Variants in ERC1 observed in about 807,000 individuals in gnomAD.
ERC1 encodes the protein ELKS/RAB6-interacting/CAST family member 1, also known as RAB6 interacting protein 2.
In ERC1, 56 loss-of-function variants were observed where a neutral mutation model predicts 132.0. That is an observed-to-expected ratio of 0.42 (90% CI 0.34 to 0.53). ERC1 has a LOEUF of 0.53. Ranked by LOEUF, ERC1 falls within the 20% of genes least tolerant of loss-of-function variation. The probability of loss-of-function intolerance (pLI) is 0.03; values close to 1 mark genes in which losing one functional copy is unlikely to be tolerated. For missense variants in ERC1, 1,202 were observed against 1,349.9 expected (o/e 0.89, Z 1.72); for synonymous variants, 478 against 476.1 (o/e 1.00, Z -0.05).
At chr12:1,357,023 C>T (rs2085606706) in intron 15 of ERC1, among the ~76,000 whole-genome samples, 2 of 152,194 alleles carry the variant, frequency 1.3e-5, no homozygotes, top group Non-Finnish European at 2.9e-5. Flanking sequence ...GTCTTCAGTA[C>T]TCTCTCAGCA....
chr12:1,485,352 C>T (rs1262342203), intron 18 of ERC1, among the ~76,000 whole-genome samples: 1 of 151,588 alleles, frequency 6.6e-6, no homozygotes, highest in Non-Finnish European at 1.5e-5. Context: ...TTATAGGCGC[C>T]CGCCACCACG....
intron 8 of ERC1, among the ~76,000 whole-genome samples, chr12:1,172,396 A>G (rs1953165594): frequency 6.6e-6 from 1 of 152,208 alleles, no homozygotes; most frequent in South Asian, 2.1e-4. Context: ...CGTGCTCAGG[A>G]GTTCAAGGAT....
intron 8 of ERC1, among the ~76,000 whole-genome samples, chr12:1,170,354 C>G (rs938183477): frequency 1.3e-5 from 2 of 151,972 alleles, no homozygotes; most frequent in African/African-American, 4.8e-5. Flanking sequence ...AAAAATTAAG[C>G]CTCTTGTGCC....
At chr12:1,056,466 G>A (rs774785209) in intron 2 of ERC1, among the ~76,000 whole-genome samples, 1 of 152,104 alleles carries the variant, frequency 6.6e-6, no homozygotes, top group Non-Finnish European at 1.5e-5. Flanking sequence ...CTGGTTCTGC[G>A]GTGGAATGCA....
At chr12:1,215,715 T>C (rs1008457066) in intron 12 of ERC1, among the ~76,000 whole-genome samples, 13 of 152,140 alleles carry the variant, frequency 8.5e-5, no homozygotes, top group African/African-American at 2.4e-4. Context: ...TATGCTCTTA[T>C]GCTCGGCAAA....
At chr12:1,210,202 A>G (rs181343706) in intron 12 of ERC1, among the ~76,000 whole-genome samples, 2 of 152,074 alleles carry the variant, frequency 1.3e-5, no homozygotes, top group African/African-American at 2.4e-5. Context: ...CTTCCTTCCA[A>G]CCTCTAGTTT....
At chr12:1,188,722 C>T (rs963868126) in intron 11 of ERC1, among the ~76,000 whole-genome samples, 1 of 152,128 alleles carries the variant, frequency 6.6e-6, no homozygotes, top group Admixed American at 6.5e-5. Context: ...ATTATATAAA[C>T]ATTTCTCATT....
intron 13 of ERC1, among the ~76,000 whole-genome samples, chr12:1,256,098 T>C (rs1196570238): frequency 4.6e-5 from 7 of 152,156 alleles, no homozygotes; most frequent in Non-Finnish European, 1.5e-5. Context: ...GGTTTGCTTT[T>C]TTCTTGTAAA....
At chr12:1,081,468 G>C (rs1329987944) in intron 2 of ERC1, among the ~76,000 whole-genome samples, 1 of 152,170 alleles carries the variant, frequency 6.6e-6, no homozygotes, top group East Asian at 1.9e-4. Flanking sequence ...TTTGCTACTA[G>C]AGGAGGAAAG....
chr12:1,057,873 C>T (rs1021741799), intron 2 of ERC1, among the ~76,000 whole-genome samples: 2 of 152,022 alleles, frequency 1.3e-5, no homozygotes, highest in Admixed American at 6.6e-5. Context: ...GGATTACAAG[C>T]GTGAGCCACC....
intron 14 of ERC1, among the ~76,000 whole-genome samples, chr12:1,289,084 TAC>T (rs57334239): frequency 0.17 from 17,739 of 102,548 alleles, 1,655 homozygotes; most frequent in African/African-American, 0.19. Flanking sequence ...ATCTGGTATG[TAC>T]ACACACACAC....
intron 1 of ERC1, among the ~76,000 whole-genome samples, chr12:1,021,141 A>G (rs1215296689): frequency 1.3e-5 from 2 of 151,790 alleles, no homozygotes; most frequent in Admixed American, 6.6e-5. Flanking sequence ...GGGTTTCACC[A>G]TGTTGGCCAA....
At chr12:1,450,107 A>C (rs59993152) in intron 18 of ERC1, among the ~76,000 whole-genome samples, 14,699 of 152,228 alleles carry the variant, frequency 0.097, 2,388 homozygotes, top group African/African-American at 0.33. Context: ...ATATTATAAA[A>C]GCCATAGTAC....
chr12:1,238,933 A>G (rs1305362108), intron 13 of ERC1, among the ~76,000 whole-genome samples: 2 of 152,186 alleles, frequency 1.3e-5, no homozygotes, highest in Non-Finnish European at 2.9e-5. Flanking sequence ...TGTCTAAGTA[A>G]ATGATAGATA....
At chr12:1,436,155 GACACACACAC>G (rs139467911) in intron 17 of ERC1, among the ~76,000 whole-genome samples, 2 of 148,630 alleles carry the variant, frequency 1.3e-5, no homozygotes, top group Non-Finnish European at 3.0e-5. Flanking sequence ...CAGACAGACG[GACACACACAC>G]ACACACACAC....
intron 2 of ERC1, among the ~76,000 whole-genome samples, chr12:1,032,917 G>T (rs771258390): frequency 1.8e-4 from 28 of 151,812 alleles, no homozygotes; most frequent in Admixed American, 2.6e-4. Context: ...ATGTCACCCA[G>T]GCTGGAGTGC....
chr12:1,199,786 G>GA (rs374004649), intron 12 of ERC1, among the ~76,000 whole-genome samples: 117 of 128,840 alleles, frequency 9.1e-4, no homozygotes, highest in East Asian at 2.7e-3. Flanking sequence ...TCTCAGAAAA[G>GA]AAAAAAAAAA....
chr12:1,411,023 C>T (rs1487184075), intron 17 of ERC1, among the ~76,000 whole-genome samples: 3 of 152,110 alleles, frequency 2.0e-5, no homozygotes, highest in African/African-American at 7.2e-5. Context: ...GCATTACCCT[C>T]AAACTATCCC....
chr12:1,016,708 G>T (rs950967224), intron 1 of ERC1, among the ~76,000 whole-genome samples: 1 of 148,038 alleles, frequency 6.8e-6, no homozygotes, highest in Non-Finnish European at 1.5e-5. Flanking sequence ...GCAGTGGTGC[G>T]ATCTCGATCT....
Sources: gnomAD v4.1 joint callset for allele counts (sites outside exome capture counted in the v4.1 genomes callset) on GRCh38, gnomAD v4.1.1 for gene constraint, MANE v1.5 for transcripts, NCBI Gene and HGNC (gene_info 2026-07-23, HGNC 2026-07-21) for gene names.